RORA: variants seen among roughly 807,000 people sequenced by gnomAD.
The protein encoded by RORA is RAR related orphan receptor A, also known as nuclear receptor ROR-alpha.
In RORA, 7 loss-of-function variants were observed where a neutral mutation model predicts 69.5. The observed-to-expected ratio is 0.10, with a 90% CI of 0.06 to 0.19. The LOEUF is 0.19. Among genes scored for constraint, RORA ranks in the 10% least tolerant of loss-of-function variants. RORA has a pLI of 1.00. For missense variants in RORA, 457 were observed against 663.0 expected (o/e 0.69, Z 3.41); for synonymous variants, 261 against 240.8 (o/e 1.08, Z -0.78).
intron 1 of RORA, among the ~76,000 whole-genome samples, chr15:60,806,138 G>C (rs140596833): frequency 1.6e-4 from 24 of 152,198 alleles, no homozygotes; most frequent in Admixed American, 1.2e-3. Flanking sequence ...AGAAAAGTCA[G>C]ATCTGTCAGG....
intron 1 of RORA, among the ~76,000 whole-genome samples, chr15:60,980,673 T>C (rs1373054926): frequency 2.0e-5 from 3 of 152,126 alleles, no homozygotes; most frequent in Admixed American, 1.3e-4. Flanking sequence ...ATATAGTTGC[T>C]CATTATATTC....
intron 1 of RORA, among the ~76,000 whole-genome samples, chr15:61,211,084 TC>T (rs946105712): frequency 3.9e-5 from 6 of 152,142 alleles, no homozygotes; most frequent in African/African-American, 1.4e-4. Flanking sequence ...TAGAATGATT[TC>T]TGTTTTTCTT....
At chr15:60,588,392 ATAATT>A (rs1029699791) in intron 2 of RORA, among the ~76,000 whole-genome samples, 3 of 152,142 alleles carry the variant, frequency 2.0e-5, no homozygotes, top group African/African-American at 7.2e-5. Flanking sequence ...GATCCCTATA[ATAATT>A]TAAGAGATTT....
chr15:60,677,162 TG>T (rs1218736713), intron 2 of RORA: 1 of 455,738 alleles, frequency 2.2e-6, no homozygotes. Context: ...ACCTCTAGAG[TG>T]GGTCCCTCCG....
At chr15:60,535,471 C>T (rs2066646266) in intron 2 of RORA, among the ~76,000 whole-genome samples, 1 of 152,188 alleles carries the variant, frequency 6.6e-6, no homozygotes, top group South Asian at 2.1e-4. Context: ...CAAGTGGCAG[C>T]GGGCATCAGG....
intron 1 of RORA, chr15:60,736,930 C>T (rs937945033): frequency 3.3e-5 from 5 of 152,168 alleles, no homozygotes; most frequent in South Asian, 2.1e-4. Flanking sequence ...CCCAATGCCT[C>T]GAAGACAGAA....
At chr15:60,709,298 TACA>T (rs1456808615) in intron 1 of RORA, among the ~76,000 whole-genome samples, 3 of 152,220 alleles carry the variant, frequency 2.0e-5, no homozygotes, top group Non-Finnish European at 2.9e-5. Context: ...CATTTAATTC[TACA>T]ACAACTCTGA....
At chr15:60,855,732 T>C (rs1694966471) in intron 1 of RORA, among the ~76,000 whole-genome samples, 1 of 140,008 alleles carries the variant, frequency 7.1e-6, no homozygotes, top group Non-Finnish European at 1.5e-5. Context: ...GCGATTCTCC[T>C]GCCTCAGCCT....
At chr15:61,192,822 A>G (rs2079812884) in intron 1 of RORA, among the ~76,000 whole-genome samples, 1 of 152,168 alleles carries the variant, frequency 6.6e-6, no homozygotes, top group East Asian at 1.9e-4. Context: ...GACCCTTAAC[A>G]TCTCAGTCTA....
chr15:61,074,260 C>T (rs1425589550), intron 1 of RORA, among the ~76,000 whole-genome samples: 1 of 152,192 alleles, frequency 6.6e-6, no homozygotes, highest in African/African-American at 2.4e-5. Flanking sequence ...TTACCCTTTG[C>T]AAGCCTAAAA....
intron 1 of RORA, among the ~76,000 whole-genome samples, chr15:61,135,250 G>A (rs2079226147): frequency 6.6e-6 from 1 of 151,168 alleles, no homozygotes; most frequent in African/African-American, 2.4e-5. Flanking sequence ...AGAAACACTT[G>A]AACACAGGAG....
intron 1 of RORA, among the ~76,000 whole-genome samples, chr15:60,994,874 G>A (rs568635778): frequency 3.5e-4 from 54 of 152,206 alleles, no homozygotes; most frequent in South Asian, 3.5e-3. Context: ...AAGACCCTTC[G>A]TTTTAACAAG....
At chr15:61,075,881 C>T (rs1353614912) in intron 1 of RORA, among the ~76,000 whole-genome samples, 1 of 152,196 alleles carries the variant, frequency 6.6e-6, no homozygotes, top group African/African-American at 2.4e-5. Context: ...ATATCACACC[C>T]TCCCCATACG....
intron 1 of RORA, among the ~76,000 whole-genome samples, chr15:60,930,195 G>C (rs1253390916): frequency 6.6e-6 from 1 of 152,088 alleles, no homozygotes; most frequent in Non-Finnish European, 1.5e-5. Context: ...CTGCATAGTA[G>C]ATACAGACGA....
chr15:60,563,856 G>A (rs897982837), intron 2 of RORA, among the ~76,000 whole-genome samples: 2 of 152,016 alleles, frequency 1.3e-5, no homozygotes, highest in Non-Finnish European at 2.9e-5. Context: ...CACAGGTAGC[G>A]ATGGCCTACA....
At chr15:61,029,276 G>A (rs969214568) in intron 1 of RORA, among the ~76,000 whole-genome samples, 1 of 152,166 alleles carries the variant, frequency 6.6e-6, no homozygotes, top group African/African-American at 2.4e-5. Flanking sequence ...TGTGTGGTTG[G>A]AGGACACATG....
intron 1 of RORA, among the ~76,000 whole-genome samples, chr15:60,893,237 C>T (rs80117966): frequency 0.038 from 5,772 of 152,326 alleles, 148 homozygotes; most frequent in African/African-American, 0.073. Context: ...GGACATTCCC[C>T]AAACCCCCTA....
At chr15:60,748,446 C>T (rs16943044) in intron 1 of RORA, among the ~76,000 whole-genome samples, 1 of 152,150 alleles carries the variant, frequency 6.6e-6, no homozygotes, top group East Asian at 1.9e-4. Context: ...TTCCTCCTCA[C>T]GTGGTTCTTA....
At chr15:61,172,499 G>T (rs896299086) in intron 1 of RORA, among the ~76,000 whole-genome samples, 1 of 152,110 alleles carries the variant, frequency 6.6e-6, no homozygotes, top group Admixed American at 6.5e-5. Context: ...GCAGATCCCA[G>T]GACAGCAGCC....
Sources: allele counts gnomAD v4.1 joint callset (sites outside exome capture counted in the v4.1 genomes callset), GRCh38; gene constraint gnomAD v4.1.1; transcripts MANE v1.5; gene names NCBI Gene and HGNC (gene_info 2026-07-23, HGNC 2026-07-21).